STK35: variants seen among roughly 807,000 people sequenced by gnomAD.
The protein encoded by STK35 is serine/threonine-protein kinase 35.
A neutral mutation model predicts 37.3 loss-of-function variants in STK35; 17 were observed. The ratio of observed to expected loss-of-function variants is 0.46; its 90% CI spans 0.31 to 0.68. The LOEUF is 0.68. Ranked by LOEUF, STK35 falls within the 30% of genes least tolerant of loss-of-function variation. STK35 has a pLI of 0.05. For synonymous variants in STK35, 385 were observed against 319.1 expected (o/e 1.21, Z -2.20); for missense variants, 595 against 746.7 (o/e 0.80, Z 2.37).
rs1985441345 is a variant in STK35, at chr20:2,103,191, A to G, written c.718A>G (p.Asn240Asp). The G allele has an allele frequency of 6.2e-7, 1 of 1,609,704 alleles. No individual in the cohort carries two copies. The highest frequency in any genetic ancestry group is 1.3e-5 in the African/African-American group (1 of 74,866). Residue 240 changes from asparagine (N) to aspartate (D), a missense_variant, in exon 2 of 4, where the codon AAC (asparagine) becomes GAC (aspartate). Asn to Asp is a conservative substitution (Grantham distance 23). This residue lies in a region of STK35 where 97 missense variants were observed against 146.4 expected (regional missense o/e 0.66). Coordinates refer to ENST00000381482, the MANE Select transcript of STK35 (RefSeq NM_080836.4). ...GAAGATCCGCTGCGACGCCCCCGAG[A>G]ACGTGGAGCTGGCGCTGGCTGAATT... ...VKKIRCDAPENVELALAEFWA... is the reference protein window; with the variant it reads ...VKKIRCDAPEDVELALAEFWA...
intron 2 of STK35, among the ~76,000 whole-genome samples, chr20:2,110,663 A>G (rs572013582): frequency 5.3e-5 from 8 of 152,298 alleles, no homozygotes; most frequent in African/African-American, 1.9e-4. Flanking sequence ...GAGCATTTCT[A>G]AGACTTCCTA....
intron 3 of STK35, among the ~76,000 whole-genome samples, chr20:2,137,062 A>G (rs575018540): frequency 5.1e-4 from 77 of 152,322 alleles, no homozygotes; most frequent in African/African-American, 1.8e-3. Flanking sequence ...CTTGAGGCCA[A>G]GGCATCTTTT....
At chr20:2,111,207 G>T (rs1013632821) in intron 2 of STK35, among the ~76,000 whole-genome samples, 2 of 152,090 alleles carry the variant, frequency 1.3e-5, no homozygotes, top group African/African-American at 4.8e-5. Flanking sequence ...GTCTCCCATC[G>T]CCAACCCCTC....
In STK35 at chr20:2,116,694, G is replaced by A. The variant is rs768099649; in HGVS notation, c.921G>A (p.Glu307=). ...KGERILGYAE[E]PCYLWFVMEF... is the part of the protein sequence containing the mutation. ...AAAGGATCCTGGGTTATGCTGAGGAGCCCTGCTATCTCTGGTTTGTCATGG... is the reference window on the plus strand; with the variant it reads ...AAAGGATCCTGGGTTATGCTGAGGAACCCTGCTATCTCTGGTTTGTCATGG... Residue 307 remains glutamate (E), a synonymous_variant, in exon 3 of 4, where the codon GAG becomes GAA. Transcript: ENST00000381482. The A allele has an allele frequency of 1.2e-6, 2 of 1,614,100 alleles. No homozygotes were observed. The highest frequency in any genetic ancestry group is 2.2e-5 in the South Asian group (2 of 91,086).
chr20:2,130,447 G>GC (rs1985980122), intron 3 of STK35, among the ~76,000 whole-genome samples: 3 of 152,096 alleles, frequency 2.0e-5, no homozygotes, highest in African/African-American at 7.2e-5. Context: ...CTATAATTGT[G>GC]TTTCAAGAAC....
chr20:2,112,176 T>C (rs1985632097), intron 2 of STK35, among the ~76,000 whole-genome samples: 1 of 152,216 alleles, frequency 6.6e-6, no homozygotes, highest in Non-Finnish European at 1.5e-5. Context: ...ATCTAGAGCA[T>C]TTTGTATTTC....
chr20:2,105,890 G>A (rs1985506408), intron 2 of STK35, among the ~76,000 whole-genome samples: 1 of 152,128 alleles, frequency 6.6e-6, no homozygotes, highest in Admixed American at 6.5e-5. Flanking sequence ...ACTAAAACTG[G>A]GACCTAGAAA....
intron 2 of STK35, among the ~76,000 whole-genome samples, chr20:2,105,076 G>A (rs1368992588): frequency 6.6e-6 from 1 of 151,382 alleles, no homozygotes; most frequent in South Asian, 2.1e-4. Flanking sequence ...AGGATCAGTT[G>A]AGCCTGGGAG....
intron 3 of STK35, among the ~76,000 whole-genome samples, chr20:2,118,092 C>T (rs970213101): frequency 1.3e-5 from 2 of 152,136 alleles, no homozygotes; most frequent in African/African-American, 2.4e-5. Flanking sequence ...CTCACACATC[C>T]GGTTCCACAT....
rs1985424545 is a variant in STK35, at chr20:2,102,819, G to A, written c.346G>A (p.Glu116Lys). Reference protein sequence around the residue: ...PPRPRAGRRDEAGGARAAPLL... With the variant: ...PPRPRAGRRDKAGGARAAPLL... ...GCGTCCCAGGGCCGGACGGAGGGAT[G>A]AGGCAGGGGGGGCCCGGGCAGCGCC... Residue 116 changes from glutamate to lysine, a missense_variant, in exon 2 of 4, where the codon GAG becomes AAG. This residue lies in a region of STK35 where 389 missense variants were observed against 320.0 expected (regional missense o/e 1.22). Transcript: ENST00000381482. 4 of 1,521,006 alleles carry A rather than the reference G, an allele frequency of 2.6e-6. No individual in the cohort carries two copies. The allele number at this position is 1,521,006 out of a possible 1,614,324, so 94.2% of individuals were successfully genotyped here.
chr20:2,142,692 G>T (rs1390046706), intron 3 of STK35, among the ~76,000 whole-genome samples: 1 of 152,206 alleles, frequency 6.6e-6, no homozygotes, highest in Non-Finnish European at 1.5e-5. Context: ...AGGAGTTCAA[G>T]GTTGCAGTGA....
Position 2,117,055 on chromosome 20 carries a change from G to C in STK35, c.1282G>C (p.Glu428Gln). ...SDFYMAPEVW[E>Q]GHYTAKADIF... ...CTTCTACATGGCTCCTGAAGTCTGG[G>C]AGGGACACTACACAGCCAAGGCGGA... Residue 428 changes from glutamate (E) to glutamine (Q), a missense_variant, in exon 3 of 4, where the codon GAG becomes CAG. This residue lies in a region of STK35 where 109 missense variants were observed against 280.3 expected (regional missense o/e 0.39). Transcript: ENST00000381482. This position sits in a 1 kb window ranked among gnomAD's most constrained non-coding sequence, Gnocchi z 4.4. 1 of 1,614,178 alleles carries C rather than the reference G, an allele frequency of 6.2e-7. No individual in the cohort carries two copies. Among genetic ancestry groups the C allele is most frequent in the South Asian group, 1.1e-5 (1 of 91,074 alleles).
intron 2 of STK35, among the ~76,000 whole-genome samples, chr20:2,115,837 C>T (rs1985705047): frequency 1.3e-5 from 2 of 151,066 alleles, no homozygotes; most frequent in South Asian, 4.2e-4. Flanking sequence ...TACTGCCTGC[C>T]TTTTACAGGG....
intron 2 of STK35, among the ~76,000 whole-genome samples, chr20:2,116,221 A>T (rs1163691439): frequency 1.3e-5 from 2 of 152,190 alleles, no homozygotes; most frequent in Non-Finnish European, 2.9e-5. Flanking sequence ...TAGGTGCATT[A>T]ACAAGAATCC....
rs1311773424 is a variant in STK35 at position 2,117,507 on chromosome 20, G to A, written c.*37+92G>A. On this transcript the variant is annotated intron_variant, in intron 3 of 3. Transcript: ENST00000381482. This position sits in a 1 kb window ranked among gnomAD's most constrained non-coding sequence, Gnocchi z 4.4. ...CTGGGGTGCAGCGGGTGCAGTGGCA[G>A]GATCTCAGCTCACTGCAACCTCCAC... 2.9e-6 allele frequency: 2 copies of A among 684,718 alleles called. No homozygotes were observed. The highest frequency in any genetic ancestry group is 6.1e-5 in the Admixed American group (2 of 32,670). The allele number at this position is 684,718 out of a possible 1,614,324, so 42.4% of individuals were successfully genotyped here. A position where few individuals can be genotyped will look rare whatever the true frequency, so the allele number is the denominator to read the frequency against.
At chr20:2,131,387 G>A (rs982638406) in intron 3 of STK35, among the ~76,000 whole-genome samples, 3 of 152,188 alleles carry the variant, frequency 2.0e-5, no homozygotes, top group African/African-American at 7.2e-5. Context: ...GCCAAGACAG[G>A]AAGATCACTT....
At chr20:2,125,875 C>T (rs1051571950) in intron 3 of STK35, among the ~76,000 whole-genome samples, 3 of 152,208 alleles carry the variant, frequency 2.0e-5, no homozygotes, top group Non-Finnish European at 4.4e-5. Context: ...CACCTCCACC[C>T]ACCGGCAGCT....
chr20:2,140,748 C>T (rs1986159990), intron 3 of STK35, among the ~76,000 whole-genome samples: 1 of 152,186 alleles, frequency 6.6e-6, no homozygotes, highest in South Asian at 2.1e-4. Context: ...GAAATGTCAG[C>T]TTCACTTCCT....
intron 2 of STK35, among the ~76,000 whole-genome samples, chr20:2,113,169 C>T (rs781569597): frequency 3.9e-5 from 6 of 152,156 alleles, no homozygotes; most frequent in Non-Finnish European, 5.9e-5. Context: ...TTCCCTTCCT[C>T]AATGCACAGG....
Sources: gnomAD v4.1 joint callset for allele counts (sites outside exome capture counted in the v4.1 genomes callset) on GRCh38, gnomAD v4.1.1 for gene constraint, gnomAD v4.1.1 regional missense constraint, Gnocchi (gnomAD v3.1) non-coding constraint, MANE v1.5 for transcripts, NCBI Gene and HGNC (gene_info 2026-07-23, HGNC 2026-07-21) for gene names.